Variants in KLHL35 observed in about 807,000 individuals in gnomAD.
KLHL35 encodes kelch like family member 35.
A neutral mutation model predicts 44.0 loss-of-function variants in KLHL35; 50 were observed. That is an observed-to-expected ratio of 1.14 (90% CI 0.91 to 1.44). KLHL35 has a LOEUF of 1.44. KLHL35 is among the 40% of genes most tolerant of loss of function. The probability of loss-of-function intolerance (pLI) is 0.00; values close to 1 mark genes in which losing one functional copy is unlikely to be tolerated. For synonymous variants in KLHL35, 470 were observed against 410.4 expected (o/e 1.15, Z -1.76); for missense variants, 1,049 against 887.8 (o/e 1.18, Z -2.31).
intron 1 of KLHL35, 51 bp from the exon 2 acceptor site, chr11:75,430,681 C>T (rs1948529929): frequency 7.8e-7 from 1 of 1,289,402 alleles, no homozygotes; most frequent in Non-Finnish European, 9.9e-7. Flanking sequence ...TGGCTGCGCC[C>T]GGGAGAGGCG....
At chr11:75,432,856 C>T (rs1210175878) in intron 1 of KLHL35, among the ~76,000 whole-genome samples, 187 bp downstream of exon 1, 1 of 152,148 alleles carries the variant, frequency 6.6e-6, no homozygotes, top group Non-Finnish European at 1.5e-5. Flanking sequence ...GGTCATGATG[C>T]AGATTGAAGG....
At chr11:75,427,283 G>A (rs571660245) in intron 3 of KLHL35, among the ~76,000 whole-genome samples, 1 of 152,326 alleles carries the variant, frequency 6.6e-6, no homozygotes, top group East Asian at 1.9e-4. Flanking sequence ...TGGAGGACAT[G>A]GCATGCCCTA....
chr11:75,428,404 C>G (rs1221975277), intron 3 of KLHL35, 38 bp downstream of exon 3: 7 of 1,608,610 alleles, frequency 4.4e-6, no homozygotes, highest in African/African-American at 1.3e-5. Context: ...GGCTACTAGT[C>G]AATCCCGTGT....
At chr11:75,430,670 C>A in intron 1 of KLHL35, 40 bp from the exon 2 acceptor site, 1 of 1,311,780 alleles carries the variant, frequency 7.6e-7, no homozygotes, top group Non-Finnish European at 9.7e-7. Context: ...GGGAAGCCAC[C>A]TGGCTGCGCC....
chr11:75,422,921 C>T (rs1012391101), intron 6 of KLHL35, 153 bp from the exon 7 acceptor site: 2 of 675,412 alleles, frequency 3.0e-6, no homozygotes, highest in Admixed American at 5.2e-5. Context: ...ACCTGAGTTC[C>T]AGCTCTAGCT....
chr11:75,424,049 C>T (rs1948471898), intron 5 of KLHL35, 169 bp from the exon 6 acceptor site: 4 of 604,852 alleles, frequency 6.6e-6, no homozygotes, highest in Non-Finnish European at 5.8e-6. Flanking sequence ...TCCACCGTCC[C>T]TGCCCTCAAG....
rs773585687 is a variant in KLHL35, at chr11:75,423,744, T to C, written c.1511A>G (p.Tyr504Cys). 9.9e-6 allele frequency: 16 copies of C among 1,613,716 alleles called. No individual in the cohort carries two copies. The East Asian group carries it at 2.5e-4, about 25-fold the overall frequency. ...MGGLMSKIFT[Y>C]DPGTDVWGEA... ...CCCCCACACATCTGTGCCTGGATCA[T>C]AGGTGAAGATTTTGCTCATGAGACC... The change falls in exon 6 of 7, where the codon TAT becomes TGT. Residue 504 changes from tyrosine to cysteine, a missense_variant. Coordinates refer to ENST00000539798, the MANE Select transcript of KLHL35 (RefSeq NM_001039548.3).
chr11:75,423,544 G>A, intron 6 of KLHL35, 148 bp downstream of exon 6: 1 of 712,378 alleles, frequency 1.4e-6, no homozygotes, highest in Non-Finnish European at 2.4e-6. Flanking sequence ...CCTCATCTGT[G>A]AAATGCATGG....
chr11:75,427,857 C>T (rs563360015), intron 3 of KLHL35, among the ~76,000 whole-genome samples: 1 of 152,156 alleles, frequency 6.6e-6, no homozygotes, highest in Non-Finnish European at 1.5e-5. Context: ...AGTGGCATTC[C>T]AGATCATCTG....
chr11:75,428,673 G>C, intron 2 of KLHL35, 47 bp from the exon 3 acceptor site: 3 of 1,503,230 alleles, frequency 2.0e-6, no homozygotes, highest in Non-Finnish European at 2.7e-6. Context: ...ACCCAAGTTC[G>C]GCCCTCTCTT....
At chr11:75,425,681 C>G in intron 4 of KLHL35, 100 bp from the exon 5 acceptor site, 1 of 1,117,654 alleles carries the variant, frequency 8.9e-7, no homozygotes, top group East Asian at 3.2e-5. Context: ...GAAACTATCC[C>G]TGTCCCCAAC....
intron 5 of KLHL35, chr11:75,424,184 C>T: frequency 2.9e-6 from 1 of 346,428 alleles, no homozygotes; most frequent in African/African-American, 2.1e-5. Context: ...GTGTTCCCCC[C>T]TCCCCTCACC....
At chr11:75,426,878 G>C (rs1272882933) in intron 3 of KLHL35, 1 of 384,742 alleles carries the variant, frequency 2.6e-6, no homozygotes, top group Non-Finnish European at 4.8e-6. Flanking sequence ...GAAGGGGCTG[G>C]TTTTCGCCGG....
chr11:75,423,857 C>A lies in KLHL35; in HGVS notation c.1398G>T (p.Glu466Asp), dbSNP rs756103624. 75 of 1,613,454 alleles carry A rather than the reference C, an allele frequency of 4.6e-5. No homozygotes were observed. The South Asian group carries it at 8.2e-4, about 18-fold the overall frequency. ...TDKVQCFDPK[E>D]DRWSLRSPAP... ...CTGGTGACCGCAGGCTCCACCGGTCCTCCTTGGGGTCAAAGCACTGCACCT... is the reference window on the plus strand; with the variant it reads ...CTGGTGACCGCAGGCTCCACCGGTCATCCTTGGGGTCAAAGCACTGCACCT... The change falls in exon 6 of 7, where the codon GAG (glutamate) becomes GAT (aspartate). Residue 466 changes from glutamate (E) to aspartate (D), a missense_variant. Physicochemically the swap from Glu to Asp is conservative, Grantham distance 45. Coordinates refer to ENST00000539798, the MANE Select transcript of KLHL35 (RefSeq NM_001039548.3).
rs1362669075 is a variant in KLHL35, at chr11:75,430,021, C to T, written c.609G>A (p.Leu203=). The stretch of plus-strand genomic sequence containing the variant: ...GCGCCACGCCCAGCGCGGGGTCCGC[C>T]AGCAGCGCCACCACCTCGTCAGGCG... The part of the protein sequence containing the change: ...ELAPDEVVAL[L]ADPALGVARE... The change falls in exon 2 of 7, where the codon CTG becomes CTA. Residue 203 remains leucine, a synonymous_variant. Transcript: ENST00000539798. 16 of 1,419,284 alleles carry T rather than the reference C, an allele frequency of 1.1e-5. No individual in the cohort carries two copies. In the South Asian group the frequency reaches 2.3e-4, roughly 20 times the overall value. 87.9% of individuals were successfully genotyped at this position (1,419,284 alleles called of 1,614,324 possible).
chr11:75,431,246 T>G (rs1948535014), intron 1 of KLHL35, among the ~76,000 whole-genome samples: 1 of 152,232 alleles, frequency 6.6e-6, no homozygotes, highest in Non-Finnish European at 1.5e-5. Context: ...CGGTAGGTGC[T>G]GGACACTGAC....
In KLHL35 at chr11:75,430,507, G is replaced by C; in HGVS notation, c.123C>G (p.Thr41=). The change falls in exon 2 of 7, where the codon ACC becomes ACG. Residue 41 remains threonine, a synonymous_variant. Transcript: ENST00000539798. ...LNAYRRSGTL[T]DVVLRAGGRD... ...GCCCGCCGGCGCGCAGCACCACGTC[G>C]GTGAGGGTGCCGCTCCGCCGGTAGG... 6.9e-7 allele frequency: 1 copy of C among 1,442,360 alleles called. No homozygotes were observed. Among genetic ancestry groups the C allele is most frequent in the Non-Finnish European group, 9.1e-7 (1 of 1,101,882 alleles). The allele number at this position is 1,442,360 out of a possible 1,614,324, so 89.3% of individuals were successfully genotyped here.
chr11:75,430,725 A>G (rs1323149701), intron 1 of KLHL35, 95 bp from the exon 2 acceptor site: 8 of 1,081,940 alleles, frequency 7.4e-6, no homozygotes, highest in African/African-American at 1.6e-5. Flanking sequence ...TCTCTTGACC[A>G]TTTGTTCAGC....
intron 5 of KLHL35, chr11:75,424,183 C>G (rs1288069899): frequency 5.8e-6 from 2 of 345,654 alleles, no homozygotes; most frequent in East Asian, 1.1e-4. Flanking sequence ...GGTGTTCCCC[C>G]CTCCCCTCAC....
Sources: gnomAD v4.1 joint callset for allele counts (sites outside exome capture counted in the v4.1 genomes callset) on GRCh38, gnomAD v4.1.1 for gene constraint, MANE v1.5 for transcripts, NCBI Gene and HGNC (gene_info 2026-07-23, HGNC 2026-07-21) for gene names.